Variants in CCNB3 observed in about 807,000 individuals in gnomAD.
The protein encoded by CCNB3 is G2/mitotic-specific cyclin-B3.
In CCNB3, 12 loss-of-function variants were observed where a neutral mutation model predicts 68.0. The ratio of observed to expected loss-of-function variants is 0.18; its 90% confidence interval spans 0.11 to 0.29. The LOEUF is 0.29. Ranked by LOEUF, CCNB3 falls within the 10% of genes least tolerant of loss-of-function variation. The probability of loss-of-function intolerance (pLI) is 1.00; values close to 1 mark genes in which losing one functional copy is unlikely to be tolerated. For missense variants in CCNB3, 904 were observed against 993.1 expected (o/e 0.91, Z 1.21); for synonymous variants, 354 against 388.9 (o/e 0.91, Z 1.06).
intron 8 of CCNB3, among the ~76,000 whole-genome samples, chrX:50,334,975 T>C (rs573434459): frequency 1.4e-4 from 16 of 112,225 alleles, no homozygotes; most frequent in African/African-American, 4.5e-4. Flanking sequence ...GTAGTGTACC[T>C]GCTGTCTGCA....
In CCNB3 at chrX:50,309,122, A is replaced by G. The variant is rs1228152481; in HGVS notation, c.953A>G (p.Lys318Arg). The stretch of plus-strand genomic sequence containing the variant: ...TGTGGAGCAATGTCCTCCATTAAGA[A>G]GCCTACCACTGAGAAGGAGACACTT... The part of the protein sequence containing the change: ...TICGAMSSIK[K>R]PTTEKETLFQ... Residue 318 changes from lysine to arginine, a missense_variant, in exon 6 of 13, where the codon AAG (lysine) becomes AGG (arginine). Lys to Arg is a conservative substitution (Grantham distance 26). This residue lies in a region of CCNB3 where 619 missense variants were observed against 609.8 expected (regional missense o/e 1.02). Transcript: ENST00000376042. 1.7e-6 allele frequency: 2 copies of G among 1,209,492 alleles called. No homozygotes were observed. The highest frequency in any genetic ancestry group is 3.5e-5 in the African/African-American group (2 of 57,208).
intron 10 of CCNB3, among the ~76,000 whole-genome samples, chrX:50,347,180 A>C (rs1557220445): frequency 1.8e-5 from 2 of 111,581 alleles, no homozygotes; most frequent in African/African-American, 6.5e-5. Context: ...TGTATTGTGC[A>C]AATGAGTGCG....
At chrX:50,222,080 G>A (rs1935682688) in intron 1 of CCNB3, among the ~76,000 whole-genome samples, 1 of 110,534 alleles carries the variant, frequency 9.0e-6, no homozygotes. Flanking sequence ...TAGAGACTAG[G>A]TTTGCAACCC....
At chrX:50,326,861 CTGTT>C (rs1488689262) in intron 8 of CCNB3, among the ~76,000 whole-genome samples, 1 of 111,872 alleles carries the variant, frequency 8.9e-6, no homozygotes, top group Non-Finnish European at 1.9e-5. Flanking sequence ...TTGATTTTCT[CTGTT>C]TGTATTTGTA....
chrX:50,339,150 A>G (rs1016692348), intron 8 of CCNB3, among the ~76,000 whole-genome samples: 16 of 112,646 alleles, frequency 1.4e-4, no homozygotes, highest in African/African-American at 4.8e-4. Context: ...TTTTGCTTCC[A>G]TGACACAGCC....
At chrX:50,344,849 C>T (rs1923319834) in intron 9 of CCNB3, among the ~76,000 whole-genome samples, 1 of 111,803 alleles carries the variant, frequency 8.9e-6, no homozygotes, top group Non-Finnish European at 1.9e-5. Context: ...GATTCCCCTT[C>T]CTTAGGTGCT....
At chrX:50,226,305 G>C (rs1426607849) in intron 1 of CCNB3, among the ~76,000 whole-genome samples, 1 of 16,516 alleles carries the variant, frequency 6.1e-5, no homozygotes, top group East Asian at 2.0e-3. Context: ...TATATATATA[G>C]AAATATATAA....
At chrX:50,340,887 C>T (rs182041639) in intron 8 of CCNB3, among the ~76,000 whole-genome samples, 7 of 111,533 alleles carry the variant, frequency 6.3e-5, no homozygotes, top group Admixed American at 4.7e-4. Flanking sequence ...CATTAAACAA[C>T]GTGCCCCTGA....
chrX:50,212,847 ATGT>A (rs1935504409), intron 1 of CCNB3, among the ~76,000 whole-genome samples: 1 of 111,833 alleles, frequency 8.9e-6, no homozygotes, highest in Non-Finnish European at 1.9e-5. Flanking sequence ...CATGTGTGAA[ATGT>A]TGTCTGTGAG....
At chrX:50,312,106 CAGG>C (rs1364865145) in intron 6 of CCNB3, among the ~76,000 whole-genome samples, 1 of 110,114 alleles carries the variant, frequency 9.1e-6, no homozygotes, top group Non-Finnish European at 1.9e-5. Flanking sequence ...ATTTAGCAAG[CAGG>C]AGGAGAAATG....
chrX:50,320,635 A>G (rs1921966939), intron 8 of CCNB3, among the ~76,000 whole-genome samples: 1 of 110,203 alleles, frequency 9.1e-6, no homozygotes, highest in African/African-American at 3.3e-5. Context: ...TATTTAAAAA[A>G]TAGTTTTCTT....
At chrX:50,217,462 C>T (rs1335240260) in intron 1 of CCNB3, among the ~76,000 whole-genome samples, 1 of 108,867 alleles carries the variant, frequency 9.2e-6, no homozygotes, top group Admixed American at 9.9e-5. Context: ...TTAGTAGAGA[C>T]GGGGTTTCAC....
intron 1 of CCNB3, among the ~76,000 whole-genome samples, chrX:50,226,299 T>TAAATTTATATATATAGAATATAC (rs1935790604): frequency 2.5e-4 from 15 of 60,570 alleles, no homozygotes; most frequent in African/African-American, 1.1e-3. Context: ...ATAGAATATA[T>TAAATTTATATATATAGAATATAC]ATATAGAAAT....
chrX:50,220,657 C>A (rs1441317174), intron 1 of CCNB3, among the ~76,000 whole-genome samples: 2 of 111,687 alleles, frequency 1.8e-5, no homozygotes, highest in Non-Finnish European at 3.8e-5. Context: ...TTTTGATGTG[C>A]TGCTGCATTT....
Position 50,351,808 on chromosome X carries a change from C to A in CCNB3, c.*105C>A. 1 of 527,060 alleles carries A rather than the reference C, an allele frequency of 1.9e-6. No individual in the cohort carries two copies. The highest frequency in any genetic ancestry group is 2.4e-5 in the African/African-American group (1 of 42,392). 43.4% of individuals were successfully genotyped at this position (527,060 alleles called of 1,213,427 possible). A position where few individuals can be genotyped will look rare whatever the true frequency, so the allele number is the denominator to read the frequency against. On this transcript the variant is annotated 3_prime_UTR_variant, in exon 13 of 13. Transcript: ENST00000376042. ...TCATTTTTCCTTTCTTTGTCTTTTC[C>A]CAAACTGATAATGTTATAAATATTT...
intron 8 of CCNB3, among the ~76,000 whole-genome samples, chrX:50,317,701 C>G (rs1486737785): frequency 2.7e-5 from 3 of 110,176 alleles, no homozygotes; most frequent in Non-Finnish European, 5.7e-5. Context: ...TTCCCAGTAA[C>G]TGGAATTACA....
chrX:50,297,529 A>G (rs1299755106), intron 5 of CCNB3, among the ~76,000 whole-genome samples: 13 of 111,677 alleles, frequency 1.2e-4, no homozygotes, highest in African/African-American at 1.9e-4. Context: ...TTTGGTTACT[A>G]TAGCCTTGTA....
intron 1 of CCNB3, among the ~76,000 whole-genome samples, chrX:50,225,381 A>C (rs2146990767): frequency 9.0e-6 from 1 of 111,596 alleles, no homozygotes; most frequent in Non-Finnish European, 1.9e-5. Flanking sequence ...TTATGAAGTG[A>C]GGTTCATGAC....
At chrX:50,342,421 A>ATTG in intron 9 of CCNB3, 82 bp downstream of exon 9, 1 of 954,246 alleles carries the variant, frequency 1.0e-6, no homozygotes, top group Non-Finnish European at 1.4e-6. Context: ...ATATATATTC[A>ATTG]TTGTTATGTG....
Sources: gnomAD v4.1 joint callset for allele counts (sites outside exome capture counted in the v4.1 genomes callset) on GRCh38, gnomAD v4.1.1 for gene constraint, gnomAD v4.1.1 regional missense constraint, MANE v1.5 for transcripts, NCBI Gene and HGNC (gene_info 2026-07-23, HGNC 2026-07-21) for gene names.